Variants in NPAS3 observed in about 807,000 individuals in gnomAD.
NPAS3 encodes neuronal PAS domain protein 3.
Under a neutral mutation model 73.1 loss-of-function variants are expected in NPAS3, and 14 were observed. The observed-to-expected ratio is 0.19, with a 90% CI of 0.13 to 0.30. The LOEUF is 0.30. Among genes scored for constraint, NPAS3 ranks in the 10% least tolerant of loss-of-function variants. The pLI, the probability that NPAS3 is intolerant of heterozygous loss-of-function variation, is 1.00. For missense variants in NPAS3, 1,096 were observed against 1,250.0 expected, an observed-to-expected ratio of 0.88 and a Z score of 1.86; for synonymous variants, 620 against 541.5, an observed-to-expected ratio of 1.14 and a Z score of -2.01.
At position 33,017,103 on chromosome 14, in the gene NPAS3, G is replaced by A. The variant is rs552908536; in HGVS notation, c.51-38802G>A. Among the ~76,000 whole-genome samples the A allele has an allele frequency of 2.0e-5, 3 of 152,208 alleles. No individual in the cohort carries two copies. In the South Asian group the frequency reaches 6.2e-4, roughly 32 times the overall value. On this transcript the variant is annotated intron_variant, in intron 1 of 11. Transcript: ENST00000356141. ...TACAAATTCATCTCATGGCACTAAAGGAATTTTCAGCTGGGACTTTGGAAT... is the reference window on the plus strand; with the variant it reads ...TACAAATTCATCTCATGGCACTAAAAGAATTTTCAGCTGGGACTTTGGAAT...
chr14:33,054,892 G>A lies in NPAS3; in HGVS notation c.51-1013G>A, dbSNP rs370289672. On this transcript the variant is annotated intron_variant, in intron 1 of 11. Coordinates refer to ENST00000356141, the Ensembl canonical transcript of NPAS3. ...CTCCCAAAGTGCTGTGATTACAGGC[G>A]TGAGCCACCGCACCTGGCCTTATCT... is the stretch of plus-strand genomic sequence containing the variant. Among the ~76,000 whole-genome samples, 218 of 152,264 alleles carry A rather than the reference G, an allele frequency of 1.4e-3. 2 individuals are homozygous for A. Among genetic ancestry groups the A allele is most frequent in the Middle Eastern group, 6.8e-3 (2 of 294 alleles).
intron 6 of NPAS3, among the ~76,000 whole-genome samples, chr14:33,723,497 A>G (rs2061173543): frequency 6.6e-6 from 1 of 152,070 alleles, no homozygotes; most frequent in Non-Finnish European, 1.5e-5. Context: ...CTCCTTAGCC[A>G]CTAACTTTTC....
At chr14:33,544,788 T>TTTTATATATATATA (rs1555409893) in intron 4 of NPAS3, among the ~76,000 whole-genome samples, 5 of 63,256 alleles carry the variant, frequency 7.9e-5, no homozygotes, top group African/African-American at 4.3e-4. Flanking sequence ...TGTGTGTGTA[T>TTTTATATATATATA]TATATATATA....
At chr14:33,503,595 C>A (rs1162434235) in intron 4 of NPAS3, among the ~76,000 whole-genome samples, 1 of 151,724 alleles carries the variant, frequency 6.6e-6, no homozygotes, top group African/African-American at 2.4e-5. Flanking sequence ...AAAAATGGCA[C>A]GGCAATGGGG....
At chr14:33,447,046 G>A (rs1382460935) in intron 4 of NPAS3, among the ~76,000 whole-genome samples, 1 of 152,216 alleles carries the variant, frequency 6.6e-6, no homozygotes, top group Non-Finnish European at 1.5e-5. Flanking sequence ...AGCTAAGCAG[G>A]TGTCTTCATC....
At chr14:33,166,153 C>T (rs1321886319) in intron 2 of NPAS3, among the ~76,000 whole-genome samples, 1 of 152,170 alleles carries the variant, frequency 6.6e-6, no homozygotes, top group South Asian at 2.1e-4. Flanking sequence ...AAGCCTCCCC[C>T]TCACCCCTCG....
intron 6 of NPAS3, among the ~76,000 whole-genome samples, chr14:33,714,388 TTAAA>T (rs2060903704): frequency 1.3e-5 from 2 of 152,120 alleles, no homozygotes; most frequent in Non-Finnish European, 2.9e-5. Flanking sequence ...TAGAACTTCA[TTAAA>T]TACTTGTTAA....
At chr14:33,552,806 T>C (rs1398950730) in intron 4 of NPAS3, among the ~76,000 whole-genome samples, 2 of 152,136 alleles carry the variant, frequency 1.3e-5, no homozygotes, top group Non-Finnish European at 2.9e-5. Flanking sequence ...TTATATTACT[T>C]CTGCCAAGGT....
chr14:33,492,830 T>C (rs2051968825), intron 4 of NPAS3, among the ~76,000 whole-genome samples: 5 of 152,298 alleles, frequency 3.3e-5, no homozygotes, highest in Admixed American at 2.6e-4. Flanking sequence ...CCTTTCACCA[T>C]GGCAATGATG....
At chr14:32,985,360 G>T (rs1348301658) in intron 1 of NPAS3, among the ~76,000 whole-genome samples, 1 of 152,114 alleles carries the variant, frequency 6.6e-6, no homozygotes, top group Non-Finnish European at 1.5e-5. Flanking sequence ...GAAATCTATA[G>T]TACACAAAAA....
At chr14:33,032,329 A>G (rs1364975396) in intron 1 of NPAS3, among the ~76,000 whole-genome samples, 2 of 152,224 alleles carry the variant, frequency 1.3e-5, no homozygotes, top group Non-Finnish European at 2.9e-5. Context: ...TAGGAGAGAT[A>G]GAAATGGAGA....
intron 4 of NPAS3, among the ~76,000 whole-genome samples, chr14:33,427,081 T>C (rs570486904): frequency 7.2e-5 from 11 of 152,204 alleles, no homozygotes; most frequent in Non-Finnish European, 1.5e-4. Flanking sequence ...CTGACTTTTA[T>C]CCAGCTGGAC....
At chr14:33,546,109 A>G (rs1398023059) in intron 4 of NPAS3, among the ~76,000 whole-genome samples, 1 of 152,146 alleles carries the variant, frequency 6.6e-6, no homozygotes, top group South Asian at 2.1e-4. Context: ...GTCTACCTCT[A>G]TAGCATAGAA....
intron 1 of NPAS3, among the ~76,000 whole-genome samples, chr14:33,035,153 T>C (rs2040122456): frequency 6.6e-6 from 1 of 152,198 alleles, no homozygotes; most frequent in African/African-American, 2.4e-5. Context: ...GAATTTTGCA[T>C]ATAAATTAAG....
At chr14:33,187,160 G>A (rs1364786910) in intron 2 of NPAS3, among the ~76,000 whole-genome samples, 1 of 152,144 alleles carries the variant, frequency 6.6e-6, no homozygotes, top group Non-Finnish European at 1.5e-5. Context: ...TTAGAATAAA[G>A]AGCATCCTTT....
intron 1 of NPAS3, among the ~76,000 whole-genome samples, chr14:32,956,366 C>T (rs575139907): frequency 6.6e-6 from 1 of 152,194 alleles, no homozygotes; most frequent in East Asian, 1.9e-4. Context: ...GTATATAGTA[C>T]CTATAACACA....
rs2041919130 is a variant in NPAS3 at position 33,083,220 on chromosome 14, GACTTT to G, written c.140+27227_140+27231del. Among the ~76,000 whole-genome samples, 3 of 25,046 alleles carry G rather than the reference GACTTT, an allele frequency of 1.2e-4. 1 individual carries two copies. Among genetic ancestry groups the G allele is most frequent in the Admixed American group, 1.3e-3 (2 of 1,534 alleles). 16.4% of individuals were successfully genotyped at this position (25,046 alleles called of 152,430 possible). A position where few individuals can be genotyped will look rare whatever the true frequency, so the allele number is the denominator to read the frequency against. ...AAAAAAAAAAAAAAAAAAAAGAAGG[GACTTT>G]GCCTTTGCCTCCACTCCATGATAGC... On this transcript the variant is annotated intron_variant, in intron 2 of 11. Coordinates refer to ENST00000356141, the Ensembl canonical transcript of NPAS3.
At chr14:33,225,894 G>T (rs1332391289) in intron 3 of NPAS3, among the ~76,000 whole-genome samples, 1 of 152,046 alleles carries the variant, frequency 6.6e-6, no homozygotes, top group East Asian at 1.9e-4. Flanking sequence ...TCTTGTATTT[G>T]TTTAAAACAT....
intron 1 of NPAS3, among the ~76,000 whole-genome samples, chr14:33,011,973 C>G (rs913470665): frequency 6.6e-6 from 1 of 151,938 alleles, no homozygotes; most frequent in Non-Finnish European, 1.5e-5. Context: ...TCTTCCTTTC[C>G]CCCCTTAGCA....
Sources: allele counts gnomAD v4.1 joint callset (sites outside exome capture counted in the v4.1 genomes callset), GRCh38; gene constraint gnomAD v4.1.1; transcripts MANE v1.5; gene names NCBI Gene and HGNC (gene_info 2026-07-23, HGNC 2026-07-21).